The following IFT88 variants were observed in gnomAD, a reference collection of about 807,000 sequenced individuals.
IFT88 encodes the protein intraflagellar transport protein 88 homolog.
In IFT88, 74 loss-of-function variants were observed where a neutral mutation model predicts 119.5. That is an observed-to-expected ratio of 0.62 (90% CI 0.51 to 0.75). The LOEUF is 0.75. Among genes scored for constraint, IFT88 ranks in the 30% least tolerant of loss-of-function variants. The pLI, the probability that IFT88 is intolerant of heterozygous loss-of-function variation, is 0.00. For missense variants in IFT88, 961 were observed against 977.7 expected, an observed-to-expected ratio of 0.98 and a Z score of 0.23; for synonymous variants, 279 against 316.7, an observed-to-expected ratio of 0.88 and a Z score of 1.26.
chr13:20,613,596 A>G (rs897179297), intron 13 of IFT88, among the ~76,000 whole-genome samples: 2 of 152,200 alleles, frequency 1.3e-5, no homozygotes, highest in African/African-American at 4.8e-5. Context: ...AAAAGTAATC[A>G]GAGTATATGT....
intron 24 of IFT88, among the ~76,000 whole-genome samples, chr13:20,680,479 T>C (rs766964398): frequency 7.2e-5 from 11 of 152,208 alleles, no homozygotes; most frequent in Non-Finnish European, 1.6e-4. Flanking sequence ...AATTGTCTTT[T>C]GTTTCAGCAG....
At chr13:20,591,458 A>G (rs969435996) in intron 5 of IFT88, among the ~76,000 whole-genome samples, 160 bp from the exon 6 acceptor site, 2 of 152,224 alleles carry the variant, frequency 1.3e-5, no homozygotes, top group Admixed American at 6.5e-5. Flanking sequence ...GAGAGAGGAC[A>G]TGATTGATAC....
chr13:20,571,154 C>T (rs113643850), intron 1 of IFT88, among the ~76,000 whole-genome samples: 3,071 of 152,012 alleles, frequency 0.02, 95 homozygotes, highest in African/African-American at 0.07. Context: ...CTATCATGCC[C>T]GGCTAATTTT....
At chr13:20,585,159 A>G (rs2039436944) in intron 3 of IFT88, among the ~76,000 whole-genome samples, 1 of 152,062 alleles carries the variant, frequency 6.6e-6, no homozygotes, top group Non-Finnish European at 1.5e-5. Flanking sequence ...GTTCCTTGCA[A>G]TGAGTTTGGC....
chr13:20,678,242 A>G (rs2056919419), intron 24 of IFT88, among the ~76,000 whole-genome samples: 1 of 152,172 alleles, frequency 6.6e-6, no homozygotes, highest in South Asian at 2.1e-4. Context: ...AAAACAATGC[A>G]TACTTGCCAA....
chr13:20,663,210 C>T, intron 22 of IFT88: 1 of 1,343,150 alleles, frequency 7.4e-7, no homozygotes, highest in African/African-American at 1.5e-5. Context: ...ACAAATGTTA[C>T]ATTTGCCTTC....
intron 24 of IFT88, among the ~76,000 whole-genome samples, chr13:20,671,406 T>A (rs2055832779): frequency 6.6e-6 from 1 of 152,202 alleles, no homozygotes; most frequent in South Asian, 2.1e-4. Context: ...AGGATGGTCC[T>A]ATGGAATGCT....
Position 20,599,530 on chromosome 13 carries a change from A to G in IFT88, c.777A>G (p.Ala259=). Residue 259 remains alanine, a synonymous_variant, in exon 11 of 26, where the codon GCA becomes GCG. Coordinates refer to ENST00000351808, the MANE Select transcript of IFT88 (RefSeq NM_006531.5). Reference sequence around the variant, plus strand: ...AAGCCATTAAATTCTACCGAATGGCATTAGACCAAGTTCCAAGTGTCAATA... The same window carrying G: ...AAGCCATTAAATTCTACCGAATGGCGTTAGACCAAGTTCCAAGTGTCAATA... ...YSKAIKFYRM[A]LDQVPSVNKQ... is the part of the protein sequence containing the mutation. The G allele has an allele frequency of 6.4e-7, 1 of 1,552,250 alleles. No individual in the cohort carries two copies. The highest frequency in any genetic ancestry group is 8.8e-7 in the Non-Finnish European group (1 of 1,133,316).
At chr13:20,595,775 C>T (rs572598431) in intron 7 of IFT88, among the ~76,000 whole-genome samples, 5 of 152,150 alleles carry the variant, frequency 3.3e-5, no homozygotes, top group East Asian at 3.9e-4. Flanking sequence ...TGTTGTGGCT[C>T]ACACCTGTAA....
intron 24 of IFT88, among the ~76,000 whole-genome samples, chr13:20,685,915 T>G (rs543685552): frequency 2.6e-5 from 4 of 152,336 alleles, no homozygotes; most frequent in South Asian, 4.1e-4. Context: ...GCCCATAACC[T>G]TTGATAGGAA....
chr13:20,605,387 C>G (rs965225584), intron 13 of IFT88, among the ~76,000 whole-genome samples: 2 of 152,134 alleles, frequency 1.3e-5, no homozygotes, highest in African/African-American at 4.8e-5. Flanking sequence ...GTTATTCTGT[C>G]AGTTGTTTCC....
chr13:20,583,364 A>G (rs940056045), intron 3 of IFT88, among the ~76,000 whole-genome samples: 26 of 152,178 alleles, frequency 1.7e-4, no homozygotes, highest in Non-Finnish European at 3.1e-4. Flanking sequence ...AATGTCCTCA[A>G]GGTTCATCCA....
intron 13 of IFT88, among the ~76,000 whole-genome samples, chr13:20,610,031 C>T (rs1234325765): frequency 2.0e-5 from 3 of 151,996 alleles, no homozygotes; most frequent in Non-Finnish European, 4.4e-5. Flanking sequence ...ATAAGAGGTT[C>T]ACCCTTTATC....
At chr13:20,634,824 G>A (rs1048845190) in intron 16 of IFT88, among the ~76,000 whole-genome samples, 1 of 148,706 alleles carries the variant, frequency 6.7e-6, no homozygotes, top group African/African-American at 2.5e-5. Context: ...TATACTTTAA[G>A]TTTTAGGGTA....
intron 16 of IFT88, chr13:20,631,480 T>G (rs2314235): frequency 0.67 from 114,748 of 171,008 alleles, 40,595 homozygotes; most frequent in East Asian, 1. Context: ...AAGCATTTAT[T>G]GAGCATCTCA....
chr13:20,592,454 A>G (rs2040843728), intron 7 of IFT88, 50 bp downstream of exon 7: 1 of 1,418,018 alleles, frequency 7.1e-7, no homozygotes, highest in Non-Finnish European at 9.7e-7. Context: ...CATATTTTAA[A>G]TTTTTATTTT....
chr13:20,675,177 G>A (rs1249558857), intron 24 of IFT88, among the ~76,000 whole-genome samples: 1 of 152,078 alleles, frequency 6.6e-6, no homozygotes, highest in Non-Finnish European at 1.5e-5. Flanking sequence ...AGGTGCATAG[G>A]CCTAAATGTA....
chr13:20,669,623 C>T (rs1379822622), intron 23 of IFT88, among the ~76,000 whole-genome samples: 1 of 151,954 alleles, frequency 6.6e-6, no homozygotes, highest in African/African-American at 2.4e-5. Flanking sequence ...GGGGTTTTGC[C>T]ATGTTGACCA....
chr13:20,685,253 TG>T (rs1056545712), intron 24 of IFT88, among the ~76,000 whole-genome samples: 3 of 151,346 alleles, frequency 2.0e-5, no homozygotes, highest in African/African-American at 7.3e-5. Context: ...CTCCCGGGGG[TG>T]GGGGGGCCAG....
Sources: gnomAD v4.1 joint callset for allele counts (sites outside exome capture counted in the v4.1 genomes callset) on GRCh38, gnomAD v4.1.1 for gene constraint, MANE v1.5 for transcripts, NCBI Gene and HGNC (gene_info 2026-07-23, HGNC 2026-07-21) for gene names.